CACNA1B: variants seen among roughly 807,000 people sequenced by gnomAD.
CACNA1B encodes the protein calcium voltage-gated channel subunit alpha1 B.
A neutral mutation model predicts 247.2 loss-of-function variants in CACNA1B; 70 were observed. The observed-to-expected ratio is 0.28, with a 90% CI of 0.23 to 0.35. CACNA1B has a LOEUF of 0.35. Among genes scored for constraint, CACNA1B ranks in the 10% least tolerant of loss-of-function variants. CACNA1B has a pLI of 1.00. For synonymous variants in CACNA1B, 1,231 were observed against 1,294.4 expected (o/e 0.95, Z 1.05); for missense variants, 2,367 against 3,197.4 (o/e 0.74, Z 6.26).
In CACNA1B at chr9:138,052,317, G is replaced by T. The variant is rs1398996282; in HGVS notation, c.3807+129G>T. 10 of 611,536 alleles carry T rather than the reference G, an allele frequency of 1.6e-5. No individual in the cohort carries two copies. The highest frequency in any genetic ancestry group is 2.3e-5 in the Non-Finnish European group (8 of 340,776). The allele number at this position is 611,536 out of a possible 1,614,324, so 37.9% of individuals were successfully genotyped here. The stretch of plus-strand genomic sequence containing the variant: ...TTCACATCACACCCCTGTGTGAGGG[G>T]GTTGGGCTCACTCAGCTGTAAGCCC... On this transcript the variant is annotated intron_variant, in intron 25 of 46. Coordinates refer to ENST00000371372, the MANE Select transcript of CACNA1B (RefSeq NM_000718.4). This position sits in a 1 kb window ranked among gnomAD's most constrained non-coding sequence, Gnocchi z 5.1.
intron 20 of CACNA1B, among the ~76,000 whole-genome samples, chr9:138,028,361 T>A (rs571189704): frequency 5.3e-4 from 80 of 152,312 alleles, no homozygotes; most frequent in African/African-American, 1.9e-3. Context: ...ATGTGTTATG[T>A]GTCCGCTAAA....
intron 3 of CACNA1B, among the ~76,000 whole-genome samples, chr9:137,903,790 G>T (rs749378630): frequency 2.6e-5 from 4 of 151,852 alleles, no homozygotes; most frequent in Non-Finnish European, 5.9e-5. Context: ...CTTTATAAAA[G>T]TCACCTGCAC....
At position 138,046,891 on chromosome 9, in the gene CACNA1B, C is replaced by T. The variant is rs751780712; in HGVS notation, c.3414-13C>T. ...CTGGGGGGCCTTGTGGTGATCCGTG[C>T]CTTCCCTCACAGGCTCCGCCGCTTC... is the stretch of plus-strand genomic sequence containing the variant. On this transcript the variant is annotated splice_polypyrimidine_tract_variant and intron_variant, in intron 21 of 46. Transcript: ENST00000371372. 2 of 1,612,154 alleles carry T rather than the reference C, an allele frequency of 1.2e-6. No individual in the cohort carries two copies. Among genetic ancestry groups the T allele is most frequent in the Non-Finnish European group, 1.7e-6 (2 of 1,178,662 alleles).
At chr9:137,911,732 T>C (rs79079648) in intron 3 of CACNA1B, among the ~76,000 whole-genome samples, 4,530 of 152,298 alleles carry the variant, frequency 0.03, 93 homozygotes, top group South Asian at 0.079. Flanking sequence ...ATTTATCCTA[T>C]TTTTGACCCC....
intron 15 of CACNA1B, among the ~76,000 whole-genome samples, chr9:138,005,510 TTAGA>T (rs1184664648): frequency 2.6e-5 from 4 of 152,042 alleles, no homozygotes; most frequent in Non-Finnish European, 4.4e-5. Flanking sequence ...ACAAACACAG[TTAGA>T]TAGAAGGAGC....
chr9:137,917,558 C>T lies in CACNA1B; in HGVS notation c.966+127C>T. 1.4e-5 allele frequency: 11 copies of T among 780,814 alleles called. No homozygotes were observed. The highest frequency in any genetic ancestry group is 2.3e-5 in the Non-Finnish European group (11 of 484,194). The allele number at this position is 780,814 out of a possible 1,614,324, so 48.4% of individuals were successfully genotyped here. On this transcript the variant is annotated intron_variant, in intron 6 of 46. Transcript: ENST00000371372. The surrounding 1 kb of genome is among the most constrained non-coding windows in gnomAD (Gnocchi z 5.5). ...CTGCCCAGCCCTAGGCTCCTCCCTG[C>T]ACCCCTAGGATGAAATGCAGGCTCT... is the stretch of plus-strand genomic sequence containing the variant.
intron 6 of CACNA1B, among the ~76,000 whole-genome samples, chr9:137,944,203 A>C (rs72769049): frequency 2.8e-3 from 415 of 149,172 alleles, no homozygotes; most frequent in Non-Finnish European, 4.7e-3. Context: ...CAATATCAAG[A>C]AGCTGATTTT....
chr9:138,024,373 G>A (rs1276528404), intron 19 of CACNA1B, among the ~76,000 whole-genome samples: 3 of 152,146 alleles, frequency 2.0e-5, no homozygotes, highest in Non-Finnish European at 4.4e-5. Flanking sequence ...ACCAGCAGTC[G>A]CCAGGTACCC....
chr9:138,010,194 T>C lies in CACNA1B; in HGVS notation c.2160+117T>C, dbSNP rs1958706568. Reference sequence around the variant, plus strand: ...TGTCCAGGAGCGTTGCCTTGGGTCCTGGCGGGCAGAGGCTGGTCTGTCACT... The same window carrying C: ...TGTCCAGGAGCGTTGCCTTGGGTCCCGGCGGGCAGAGGCTGGTCTGTCACT... On this transcript the variant is annotated intron_variant, in intron 17 of 46. Coordinates refer to ENST00000371372, the MANE Select transcript of CACNA1B (RefSeq NM_000718.4). This position sits in a 1 kb window ranked among gnomAD's most constrained non-coding sequence, Gnocchi z 5.3. 1 of 748,978 alleles carries C rather than the reference T, an allele frequency of 1.3e-6. No individual in the cohort carries two copies. Among genetic ancestry groups the C allele is most frequent in the Non-Finnish European group, 2.3e-6 (1 of 436,282 alleles). 46.4% of individuals were successfully genotyped at this position (748,978 alleles called of 1,614,324 possible).
intron 6 of CACNA1B, among the ~76,000 whole-genome samples, chr9:137,936,693 T>C (rs376570216): frequency 6.6e-6 from 1 of 152,192 alleles, no homozygotes; most frequent in Non-Finnish European, 1.5e-5. Context: ...CAGCTTTCTA[T>C]ATATGGCTAG....
At chr9:138,118,315 T>A (rs1365440631) in intron 43 of CACNA1B, among the ~76,000 whole-genome samples, 1 of 22,370 alleles carries the variant, frequency 4.5e-5, no homozygotes, top group Non-Finnish European at 7.8e-5. Context: ...GGATGGGGGG[T>A]GTGTGAGACT....
At chr9:137,905,658 T>C (rs1441454177) in intron 3 of CACNA1B, among the ~76,000 whole-genome samples, 1 of 152,236 alleles carries the variant, frequency 6.6e-6, no homozygotes, top group Admixed American at 6.5e-5. Flanking sequence ...ATCAGTTCCA[T>C]TGTATATTTT....
Position 138,121,489 on chromosome 9 carries a change from G to C in CACNA1B, c.6510G>C (p.Gly2170=). Residue 2170 remains glycine (G), a synonymous_variant, in exon 47 of 47, where the codon GGG becomes GGC. Coordinates refer to ENST00000371372, the MANE Select transcript of CACNA1B (RefSeq NM_000718.4). This position sits in a 1 kb window ranked among gnomAD's most constrained non-coding sequence, Gnocchi z 6.8. ...PHPQGSGSVN[G]SPLLSTSGAS... ...TGTAGGGCAGTGGTTCCGTGAATGGGAGCCCCTTGCTGTCAACATCTGGTG... is the reference window on the plus strand; with the variant it reads ...TGTAGGGCAGTGGTTCCGTGAATGGCAGCCCCTTGCTGTCAACATCTGGTG... 6.5e-7 allele frequency: 1 copy of C among 1,529,428 alleles called. No individual in the cohort carries two copies. Among genetic ancestry groups the C allele is most frequent in the Non-Finnish European group, 8.8e-7 (1 of 1,138,608 alleles). 94.7% of individuals were successfully genotyped at this position (1,529,428 alleles called of 1,614,324 possible). A position where few individuals can be genotyped will look rare whatever the true frequency, so the allele number is the denominator to read the frequency against.
intron 6 of CACNA1B, among the ~76,000 whole-genome samples, chr9:137,926,836 C>T (rs1381131660): frequency 2.0e-5 from 3 of 152,142 alleles, no homozygotes; most frequent in African/African-American, 4.8e-5. Flanking sequence ...ATTTGCATGT[C>T]TTCTTTGAAG....
Position 138,099,268 on chromosome 9 carries a change from A to G in CACNA1B, c.5222+2657A>G, listed in dbSNP as rs1473446527. 2.0e-5 allele frequency among the ~76,000 whole-genome samples: 3 copies of G among 152,242 alleles called. No individual in the cohort carries two copies. In the East Asian group the frequency reaches 5.8e-4, roughly 29 times the overall value. ...AGATGTCTACATGTGTGTTTTGTGC[A>G]CATGTGCATGCACAAGGCGCGCACG... On this transcript the variant is annotated intron_variant, in intron 37 of 46. Transcript: ENST00000371372.
rs1417794580 is a variant in CACNA1B at position 137,881,303 on chromosome 9, C to T, written c.391-1441C>T. ...ACCCTTGGGTGCTGGTAGCTTCTAC[C>T]AGGTACTGCCAGCCAAGCCTTGGGC... is the stretch of plus-strand genomic sequence containing the variant. On this transcript the variant is annotated intron_variant, in intron 2 of 46. Coordinates refer to ENST00000371372, the MANE Select transcript of CACNA1B (RefSeq NM_000718.4). The surrounding 1 kb of genome is among the most constrained non-coding windows in gnomAD (Gnocchi z 4.3). Among the ~76,000 whole-genome samples, 6 of 152,188 alleles carry T rather than the reference C, an allele frequency of 3.9e-5. No homozygotes were observed. Among genetic ancestry groups the T allele is most frequent in the African/African-American group, 7.2e-5 (3 of 41,454 alleles).
chr9:137,958,014 C>A (rs927994074), intron 10 of CACNA1B, among the ~76,000 whole-genome samples: 9 of 152,200 alleles, frequency 5.9e-5, no homozygotes, highest in Non-Finnish European at 1.3e-4. Context: ...GTTAATTTAT[C>A]CAACAGAGCT....
intron 15 of CACNA1B, among the ~76,000 whole-genome samples, chr9:137,998,827 CAT>C (rs1217110033): frequency 6.6e-6 from 1 of 152,198 alleles, no homozygotes; most frequent in Non-Finnish European, 1.5e-5. Context: ...AGATTTATAA[CAT>C]GTCTCTGTCA....
intron 31 of CACNA1B, among the ~76,000 whole-genome samples, chr9:138,060,971 G>A (rs1239540780): frequency 6.6e-6 from 1 of 152,136 alleles, no homozygotes; most frequent in South Asian, 2.1e-4. Flanking sequence ...TGCACTGGTT[G>A]CTGGCCTGGT....
Sources: allele counts gnomAD v4.1 joint callset (sites outside exome capture counted in the v4.1 genomes callset), GRCh38; gene constraint gnomAD v4.1.1; non-coding constraint Gnocchi (gnomAD v3.1); transcripts MANE v1.5; gene names NCBI Gene and HGNC (gene_info 2026-07-23, HGNC 2026-07-21).